GNAZ: variants seen among roughly 807,000 people sequenced by gnomAD.
GNAZ encodes guanine nucleotide-binding protein G(z) subunit alpha.
Under a neutral mutation model 25.4 loss-of-function variants are expected in GNAZ, and 3 were observed. The observed-to-expected ratio is 0.12, with a 90% CI of 0.05 to 0.30. The LOEUF (loss-of-function observed/expected upper bound fraction) is 0.30, where lower values mean the gene tolerates loss of function less well. Ranked by LOEUF, GNAZ falls within the 10% of genes least tolerant of loss-of-function variation. GNAZ has a pLI of 1.00. For synonymous variants in GNAZ, 211 were observed against 205.7 expected, an observed-to-expected ratio of 1.03 and a Z score of -0.22; for missense variants, 241 against 501.8, an observed-to-expected ratio of 0.48 and a Z score of 4.97.
At chr22:23,082,511 G>A (rs1039448823) in intron 1 of GNAZ, among the ~76,000 whole-genome samples, 27 of 151,836 alleles carry the variant, frequency 1.8e-4, no homozygotes, top group African/African-American at 6.3e-4. Flanking sequence ...GAGCCACCGC[G>A]CCCGGCCTCG....
At chr22:23,091,623 G>A (rs748951983) in intron 1 of GNAZ, among the ~76,000 whole-genome samples, 17 of 147,608 alleles carry the variant, frequency 1.2e-4, no homozygotes, top group African/African-American at 2.5e-4. Context: ...CATATGCACC[G>A]CAATGGACCT....
chr22:23,120,305 C>G (rs1319685238), intron 2 of GNAZ, among the ~76,000 whole-genome samples: 2 of 152,142 alleles, frequency 1.3e-5, no homozygotes, highest in Non-Finnish European at 2.9e-5. Context: ...ACGGGGGCCA[C>G]AGTCAGGAGT....
rs907069576 is a variant in GNAZ at position 23,081,885 on chromosome 22, G to C, written c.-450+11315G>C. On this transcript the variant is annotated intron_variant, in intron 1 of 2. Coordinates refer to ENST00000615612, the MANE Select transcript of GNAZ (RefSeq NM_002073.4). ...TCACGCCTGTAATCCCAGCACTTTG[G>C]GGGGCCGAGGCGGGCGGATCACGAG... Among the ~76,000 whole-genome samples, 21 of 151,482 alleles carry C rather than the reference G, an allele frequency of 1.4e-4. No homozygotes were observed. In the East Asian group the frequency reaches 2.9e-3, roughly 21 times the overall value.
At chr22:23,101,969 C>G (rs1437876207) in intron 2 of GNAZ, among the ~76,000 whole-genome samples, 1 of 152,232 alleles carries the variant, frequency 6.6e-6, no homozygotes, top group Non-Finnish European at 1.5e-5. Context: ...CTGGCTTCCT[C>G]TCTATGGCCT....
At chr22:23,083,064 G>A (rs2068724566) in intron 1 of GNAZ, among the ~76,000 whole-genome samples, 1 of 152,146 alleles carries the variant, frequency 6.6e-6, no homozygotes, top group Non-Finnish European at 1.5e-5. Flanking sequence ...GAAGGAGGAG[G>A]GTGGGCAGGA....
rs547375169 is a variant in GNAZ, at chr22:23,085,373, G to A, written c.-449-9874G>A. On this transcript the variant is annotated intron_variant, in intron 1 of 2. Transcript: ENST00000615612. ...CACCATGTCCCCCTGTCCCCAAGCA[G>A]GGCCACACACAGTGGGGCTGGATTC... Among the ~76,000 whole-genome samples, 3 of 152,284 alleles carry A rather than the reference G, an allele frequency of 2.0e-5. No individual in the cohort carries two copies. In the East Asian group the frequency reaches 5.8e-4, roughly 29 times the overall value.
chr22:23,118,759 C>T (rs1211408901), intron 2 of GNAZ, among the ~76,000 whole-genome samples: 1 of 152,216 alleles, frequency 6.6e-6, no homozygotes, highest in African/African-American at 2.4e-5. Context: ...TGGGGCAGGG[C>T]CACATGACTC....
intron 2 of GNAZ, among the ~76,000 whole-genome samples, chr22:23,109,196 C>T (rs149586840): frequency 1.3e-5 from 2 of 152,270 alleles, no homozygotes; most frequent in East Asian, 1.9e-4. Flanking sequence ...TACCAGGACC[C>T]GAGCCTCTGG....
chr22:23,078,574 T>A (rs1263686492), intron 1 of GNAZ, among the ~76,000 whole-genome samples: 2 of 152,188 alleles, frequency 1.3e-5, no homozygotes, highest in Non-Finnish European at 2.9e-5. Context: ...CTCTCCCTCC[T>A]CCCAGGATGG....
intron 1 of GNAZ, among the ~76,000 whole-genome samples, chr22:23,072,092 G>A (rs985883900): frequency 1.3e-5 from 2 of 152,124 alleles, no homozygotes; most frequent in African/African-American, 4.8e-5. Flanking sequence ...TTAAAGACTG[G>A]GGAAGGCTCC....
chr22:23,108,093 C>T (rs1042550829), intron 2 of GNAZ, among the ~76,000 whole-genome samples: 1 of 152,350 alleles, frequency 6.6e-6, no homozygotes, highest in Admixed American at 6.5e-5. Context: ...GGGCCAGGAG[C>T]AGGTGCATCT....
At chr22:23,080,334 G>A (rs2068640389) in intron 1 of GNAZ, among the ~76,000 whole-genome samples, 1 of 152,186 alleles carries the variant, frequency 6.6e-6, no homozygotes. Flanking sequence ...GGACAGCACA[G>A]GGTTACAGGG....
At chr22:23,090,001 G>T (rs1052821050) in intron 1 of GNAZ, among the ~76,000 whole-genome samples, 1 of 152,084 alleles carries the variant, frequency 6.6e-6, no homozygotes, top group African/African-American at 2.4e-5. Flanking sequence ...GCCCTATGTC[G>T]CACTAAGTCC....
chr22:23,118,280 C>T lies in GNAZ; in HGVS notation c.724-4807C>T, dbSNP rs115680206. ...CGACGCCAAGCAGTGAGATTCCCAC[C>T]ATTGCACAAGCTTCTCACAGGAACT... is the stretch of plus-strand genomic sequence containing the variant. On this transcript the variant is annotated intron_variant, in intron 2 of 2. Transcript: ENST00000615612. Among the ~76,000 whole-genome samples, 313 of 152,360 alleles carry T rather than the reference C, an allele frequency of 2.1e-3. 3 individuals are homozygous for T. The highest frequency in any genetic ancestry group is 7.2e-3 in the African/African-American group (299 of 41,592).
intron 1 of GNAZ, among the ~76,000 whole-genome samples, chr22:23,083,504 T>C (rs1184804256): frequency 1.3e-5 from 2 of 152,160 alleles, no homozygotes; most frequent in Non-Finnish European, 2.9e-5. Context: ...CCTCCATCTA[T>C]CCATCCATCT....
intron 1 of GNAZ, among the ~76,000 whole-genome samples, chr22:23,085,989 GC>G (rs1434038301): frequency 6.6e-6 from 1 of 152,258 alleles, no homozygotes; most frequent in Non-Finnish European, 1.5e-5. Context: ...ACAGCCAGTG[GC>G]CTTGCCTGGC....
chr22:23,118,983 G>C (rs546220524), intron 2 of GNAZ, among the ~76,000 whole-genome samples: 1 of 152,214 alleles, frequency 6.6e-6, no homozygotes, highest in Non-Finnish European at 1.5e-5. Context: ...TTTGCAGGGT[G>C]AGCAGAGCAT....
chr22:23,102,421 G>A (rs2069329969), intron 2 of GNAZ, among the ~76,000 whole-genome samples: 1 of 152,208 alleles, frequency 6.6e-6, no homozygotes, highest in Non-Finnish European at 1.5e-5. Flanking sequence ...GGAGGATGCA[G>A]CCACAAGGCC....
chr22:23,088,940 C>G (rs1443967203), intron 1 of GNAZ, among the ~76,000 whole-genome samples: 1 of 152,218 alleles, frequency 6.6e-6, no homozygotes, highest in Non-Finnish European at 1.5e-5. Flanking sequence ...TGTGCCTCTC[C>G]CCCAGTCACA....
Sources: gnomAD v4.1 joint callset for allele counts (sites outside exome capture counted in the v4.1 genomes callset) on GRCh38, gnomAD v4.1.1 for gene constraint, MANE v1.5 for transcripts, NCBI Gene and HGNC (gene_info 2026-07-23, HGNC 2026-07-21) for gene names.